Variants in KAT7 observed in about 807,000 individuals in gnomAD.
KAT7 encodes the protein histone acetyltransferase KAT7.
KAT7 carries 10 observed loss-of-function variants against 82.1 expected under a neutral mutation model. The observed-to-expected ratio is 0.12, with a 90% CI of 0.08 to 0.21. The LOEUF is 0.21. Ranked by LOEUF, KAT7 falls within the 10% of genes least tolerant of loss-of-function variation. The pLI is 1.00. For missense variants in KAT7, 378 were observed against 760.9 expected (o/e 0.50, Z 5.92); for synonymous variants, 250 against 262.5 (o/e 0.95, Z 0.46).
At chr17:49,820,391 G>T (rs1434184443) in intron 9 of KAT7, among the ~76,000 whole-genome samples, 1 of 151,334 alleles carries the variant, frequency 6.6e-6, no homozygotes, top group African/African-American at 2.4e-5. Context: ...GGATTCTTCT[G>T]CCTCAGCCTC....
At chr17:49,817,762 C>T in intron 8 of KAT7, 58 bp from the exon 9 acceptor site, 1 of 1,457,542 alleles carries the variant, frequency 6.9e-7, no homozygotes. Flanking sequence ...TGTGCCCTGT[C>T]TAAAAGCAAA....
chr17:49,809,266 C>G, intron 6 of KAT7, 58 bp downstream of exon 6: 1 of 1,268,828 alleles, frequency 7.9e-7, no homozygotes. Context: ...TCTTGGATCT[C>G]CTCTATAATT....
chr17:49,798,632 T>C, intron 4 of KAT7, 74 bp downstream of exon 4: 1 of 1,488,020 alleles, frequency 6.7e-7, no homozygotes, highest in Non-Finnish European at 9.1e-7. Context: ...AAATGTTTTG[T>C]GTTCTGTTGG....
chr17:49,827,356 T>C (rs1421399294), intron 14 of KAT7, 45 bp from the exon 15 acceptor site: 6 of 1,199,338 alleles, frequency 5.0e-6, no homozygotes, highest in Non-Finnish European at 7.5e-6. Flanking sequence ...GTAAAGGCAC[T>C]TGAGTTGAAA....
At position 49,798,320 on chromosome 17, in the gene KAT7, A is replaced by G; in HGVS notation, c.342A>G (p.Glu114=). Residue 114 remains glutamate, a splice_region_variant and synonymous_variant, in exon 4 of 15, where the codon GAA becomes GAG. Coordinates refer to ENST00000259021, the MANE Select transcript of KAT7 (RefSeq NM_007067.5). ...TEQVVDFSDR[E]TKNTADHDES... ...TTCTACCAATTGCTTTTGCTTTAGAAACTAAAAATACAGCTGATCATGATG... is the reference window on the plus strand; with the variant it reads ...TTCTACCAATTGCTTTTGCTTTAGAGACTAAAAATACAGCTGATCATGATG... The G allele has an allele frequency of 6.2e-7, 1 of 1,612,974 alleles. No homozygotes were observed. Among genetic ancestry groups the G allele is most frequent in the Non-Finnish European group, 8.5e-7 (1 of 1,178,996 alleles).
chr17:49,805,580 A>T, intron 5 of KAT7, 135 bp downstream of exon 5: 1 of 506,892 alleles, frequency 2.0e-6, no homozygotes, highest in Middle Eastern at 2.8e-4. Context: ...TGGAGGAAAC[A>T]TAAAAAACAA....
chr17:49,793,365 A>T (rs2073913930), intron 2 of KAT7, among the ~76,000 whole-genome samples: 2 of 152,146 alleles, frequency 1.3e-5, no homozygotes, highest in African/African-American at 4.8e-5. Flanking sequence ...TTGGGGTTGG[A>T]AGGTAGTTTG....
At chr17:49,812,288 A>G (rs1598074303) in intron 7 of KAT7, among the ~76,000 whole-genome samples, 1 of 144,490 alleles carries the variant, frequency 6.9e-6, no homozygotes. Context: ...GCAGTGGCAC[A>G]ATCTCGGCTC....
chr17:49,794,871 A>T (rs2073935606), intron 2 of KAT7, among the ~76,000 whole-genome samples: 2 of 152,192 alleles, frequency 1.3e-5, no homozygotes, highest in East Asian at 3.8e-4. Context: ...TCCCTAGAGC[A>T]CAAGGTAGAT....
intron 9 of KAT7, among the ~76,000 whole-genome samples, chr17:49,818,428 C>G (rs1416276596): frequency 6.6e-6 from 1 of 152,074 alleles, no homozygotes; most frequent in Non-Finnish European, 1.5e-5. Context: ...CAACTGATGC[C>G]CAAGAAGTAT....
At position 49,821,444 on chromosome 17, in the gene KAT7, T is replaced by C. The variant is rs763783437; in HGVS notation, c.1245+18T>C. ...AAAACAAGGTAAAAAGTGGTGACTT[T>C]AGAAAGGAGTTGAAATGTTGTATAT... On this transcript the variant is annotated intron_variant, in intron 10 of 14. Transcript: ENST00000259021. The C allele has an allele frequency of 6.2e-7, 1 of 1,603,206 alleles. No individual in the cohort carries two copies.
intron 11 of KAT7, 131 bp downstream of exon 11, chr17:49,821,921 A>G: frequency 1.5e-6 from 1 of 652,210 alleles, no homozygotes; most frequent in Non-Finnish European, 2.5e-6. Context: ...CTTAAATTAA[A>G]AAAAAAAAAA....
chr17:49,818,529 CTT>C (rs1004351085), intron 9 of KAT7, among the ~76,000 whole-genome samples: 14 of 152,108 alleles, frequency 9.2e-5, no homozygotes, highest in African/African-American at 3.4e-4. Context: ...GCCTTCCCCT[CTT>C]TTTCCTAATA....
At chr17:49,808,503 T>A (rs1363222406) in intron 5 of KAT7, among the ~76,000 whole-genome samples, 3 of 150,950 alleles carry the variant, frequency 2.0e-5, no homozygotes, top group East Asian at 1.9e-4. Flanking sequence ...CAGGCTGGAG[T>A]GCAGTGGTGC....
chr17:49,794,242 G>T (rs2073925709), intron 2 of KAT7, among the ~76,000 whole-genome samples: 1 of 152,172 alleles, frequency 6.6e-6, no homozygotes, highest in Non-Finnish European at 1.5e-5. Context: ...CATAAGCCCA[G>T]AGGTGGGACA....
rs2074414095 is a variant in KAT7, at chr17:49,830,226, C to T, written c.*2724C>T. ...TTTTTTTTAAAAAAAGACAGTCTCACTCTATCATCCAGTCCGGAATGCAGT... is the reference window on the plus strand; with the variant it reads ...TTTTTTTTAAAAAAAGACAGTCTCATTCTATCATCCAGTCCGGAATGCAGT... On this transcript the variant is annotated 3_prime_UTR_variant, in exon 15 of 15. Coordinates refer to ENST00000259021, the MANE Select transcript of KAT7 (RefSeq NM_007067.5). The T allele has an allele frequency of 8.0e-6, 1 of 124,466 alleles. No individual in the cohort carries two copies. The allele number at this position is 124,466 out of a possible 1,614,324, so 7.7% of individuals were successfully genotyped here.
intron 12 of KAT7, 41 bp from the exon 13 acceptor site, chr17:49,825,959 T>C (rs199503657): frequency 5.0e-6 from 8 of 1,586,004 alleles, no homozygotes; most frequent in African/African-American, 2.7e-5. Context: ...TAGGATAAGA[T>C]CGAGTGTTGC....
rs1190424365 is a variant in KAT7 at position 49,834,298 on chromosome 17, C to G, written c.*6796C>G. On this transcript the variant is annotated 3_prime_UTR_variant, in exon 15 of 15. Transcript: ENST00000259021. ...GAGTAGTTGAGACCACAGGCGTGCACTACCACGCCCGGCTACCTTTTTGTA... is the reference window on the plus strand; with the variant it reads ...GAGTAGTTGAGACCACAGGCGTGCAGTACCACGCCCGGCTACCTTTTTGTA... The G allele has an allele frequency of 6.6e-6, 1 of 152,280 alleles. No homozygotes were observed. The highest frequency in any genetic ancestry group is 6.5e-5 in the Admixed American group (1 of 15,286). 9.4% of individuals were successfully genotyped at this position (152,280 alleles called of 1,614,324 possible).
At chr17:49,800,847 T>TA (rs937246858) in intron 4 of KAT7, among the ~76,000 whole-genome samples, 1 of 152,262 alleles carries the variant, frequency 6.6e-6, no homozygotes, top group Non-Finnish European at 1.5e-5. Flanking sequence ...TGTATATACA[T>TA]ACATATGTGT....
Sources: gnomAD v4.1 joint callset for allele counts (sites outside exome capture counted in the v4.1 genomes callset) on GRCh38, gnomAD v4.1.1 for gene constraint, MANE v1.5 for transcripts, NCBI Gene and HGNC (gene_info 2026-07-23, HGNC 2026-07-21) for gene names.